Variants in TNK2 observed in about 807,000 individuals in gnomAD.
The protein encoded by TNK2 is activated CDC42 kinase 1.
TNK2 carries 83 observed loss-of-function variants against 101.8 expected under a neutral mutation model. That is an observed-to-expected ratio of 0.82 (90% CI 0.68 to 0.98). TNK2 has a LOEUF of 0.98. Among genes scored for constraint, TNK2 ranks in the 50% least tolerant of loss-of-function variants. The pLI, the probability that TNK2 is intolerant of heterozygous loss-of-function variation, is 0.00. For synonymous variants in TNK2, 804 were observed against 633.0 expected (o/e 1.27, Z -4.06); for missense variants, 1,665 against 1,483.2 (o/e 1.12, Z -2.01).
Position 195,882,337 on chromosome 3 carries a change from A to G in TNK2, c.610-9T>C. ...GGTGCCAGCTCTGTCACCTGAGGCCACGGAGGAGGCAGGAGGAATGAGCTG... is the reference window on the plus strand; with the variant it reads ...GGTGCCAGCTCTGTCACCTGAGGCCGCGGAGGAGGCAGGAGGAATGAGCTG... On this transcript the variant is annotated splice_polypyrimidine_tract_variant and intron_variant, in intron 5 of 15. Coordinates refer to ENST00000672887, the MANE Select transcript of TNK2 (RefSeq NM_001382273.1). This position sits in a 1 kb window ranked among gnomAD's most constrained non-coding sequence, Gnocchi z 4.2. 1 of 1,608,860 alleles carries G rather than the reference A, an allele frequency of 6.2e-7. No individual in the cohort carries two copies. The highest frequency in any genetic ancestry group is 1.1e-5 in the South Asian group (1 of 91,004).
intron 15 of TNK2, among the ~76,000 whole-genome samples, chr3:195,864,958 G>C (rs1739623279): frequency 1.5e-5 from 2 of 136,680 alleles, no homozygotes; most frequent in South Asian, 2.4e-4. Flanking sequence ...CTGCATCCCA[G>C]ATGCAAATCA....
At chr3:195,900,713 G>T (rs564639606) in intron 1 of TNK2, among the ~76,000 whole-genome samples, 14 of 152,350 alleles carry the variant, frequency 9.2e-5, no homozygotes, top group African/African-American at 3.4e-4. Context: ...GCCAGGACAC[G>T]AGTGCCGCAG....
rs1753855419 is a variant in TNK2 at position 195,882,940 on chromosome 3, C to T, written c.609+217G>A. ...TCCCATGGGAGTAACTCTCTTGACA[C>T]TGAGCACCAGCAAAATCCAGAGACA... On this transcript the variant is annotated intron_variant, in intron 5 of 15. Coordinates refer to ENST00000672887, the MANE Select transcript of TNK2 (RefSeq NM_001382273.1). The surrounding 1 kb of genome is among the most constrained non-coding windows in gnomAD (Gnocchi z 4.2). Among the ~76,000 whole-genome samples the T allele has an allele frequency of 6.6e-6, 1 of 152,204 alleles. No individual in the cohort carries two copies. The highest frequency in any genetic ancestry group is 1.5e-5 in the Non-Finnish European group (1 of 68,028).
intron 6 of TNK2, 38 bp from the exon 7 acceptor site, chr3:195,879,213 C>T: frequency 1.9e-6 from 3 of 1,610,762 alleles, no homozygotes; most frequent in Non-Finnish European, 2.5e-6. Flanking sequence ...CCCTCTCAAA[C>T]ACCCTACCTG....
At chr3:195,887,204 C>G (rs748860318) in intron 2 of TNK2, among the ~76,000 whole-genome samples, 157 bp from the exon 3 acceptor site, 3 of 152,232 alleles carry the variant, frequency 2.0e-5, no homozygotes, top group Non-Finnish European at 4.4e-5. Context: ...CTCAACTGAC[C>G]GACGGTCTCT....
rs547589387 is a variant in TNK2, at chr3:195,896,363, C to A, written c.-18-7757G>T. ...CTCCCCACGCAGCGTCAAGGCTGAG[C>A]CAGACCCTGGAAGGTCACTAGGTGA... On this transcript the variant is annotated intron_variant, in intron 1 of 15. Transcript: ENST00000672887. 2.2e-3 allele frequency: 689 copies of A among 317,034 alleles called. 9 individuals are homozygous for A. Among genetic ancestry groups the A allele is most frequent in the South Asian group, 0.015 (666 of 45,596 alleles). 19.6% of individuals were successfully genotyped at this position (317,034 alleles called of 1,614,324 possible).
At chr3:195,905,657 T>C (rs778458821) in intron 1 of TNK2, among the ~76,000 whole-genome samples, 2 of 152,008 alleles carry the variant, frequency 1.3e-5, no homozygotes, top group Non-Finnish European at 2.9e-5. Flanking sequence ...AAACGAATCC[T>C]AGATCTCAAT....
At chr3:195,881,639 C>G (rs1174312004) in intron 6 of TNK2, among the ~76,000 whole-genome samples, 6 of 102,074 alleles carry the variant, frequency 5.9e-5, no homozygotes, top group Admixed American at 1.0e-4. Context: ...TGTAACACCC[C>G]CCCCCCAGCA....
At chr3:195,906,302 C>G (rs1320739629) in intron 1 of TNK2, among the ~76,000 whole-genome samples, 1 of 152,070 alleles carries the variant, frequency 6.6e-6, no homozygotes, top group African/African-American at 2.4e-5. Context: ...ACCACATGAC[C>G]CAGCCATTCC....
intron 10 of TNK2, among the ~76,000 whole-genome samples, chr3:195,872,026 C>T (rs1481633397): frequency 1.4e-5 from 2 of 145,454 alleles, no homozygotes; most frequent in Non-Finnish European, 3.0e-5. Flanking sequence ...GAGAACCCTC[C>T]CCTGGAGAAC....
At chr3:195,906,567 G>A (rs6785122) in intron 1 of TNK2, among the ~76,000 whole-genome samples, 19,220 of 151,702 alleles carry the variant, frequency 0.13, 1,665 homozygotes, top group East Asian at 0.39. Flanking sequence ...AGACCAGCCT[G>A]TTACCTGGGG....
intron 10 of TNK2, 103 bp downstream of exon 10, chr3:195,872,173 C>A (rs931210775): frequency 2.2e-6 from 3 of 1,336,858 alleles, no homozygotes; most frequent in Non-Finnish European, 3.1e-6. Context: ...GGCTGAAGCC[C>A]GGGCGAAAGG....
chr3:195,885,332 C>A lies in TNK2; in HGVS notation c.235-299G>T, dbSNP rs1280393489. Reference sequence around the variant, plus strand: ...GCTGTGTGGAGAGGGAGGGCACCGCCCAGCCAAGGTCGGAGTCTCCTCCCA... The same window carrying A: ...GCTGTGTGGAGAGGGAGGGCACCGCACAGCCAAGGTCGGAGTCTCCTCCCA... On this transcript the variant is annotated intron_variant, in intron 3 of 15. Coordinates refer to ENST00000672887, the MANE Select transcript of TNK2 (RefSeq NM_001382273.1). The surrounding 1 kb of genome is among the most constrained non-coding windows in gnomAD (Gnocchi z 4.7). The A allele has an allele frequency of 7.2e-7, 1 of 1,384,650 alleles. No homozygotes were observed. Among genetic ancestry groups the A allele is most frequent in the African/African-American group, 1.4e-5 (1 of 69,360 alleles). The allele number at this position is 1,384,650 out of a possible 1,614,324, so 85.8% of individuals were successfully genotyped here. A position where few individuals can be genotyped will look rare whatever the true frequency, so the allele number is the denominator to read the frequency against.
At chr3:195,883,007 G>A (rs1753907200) in intron 5 of TNK2, 150 bp downstream of exon 5, 1 of 874,766 alleles carries the variant, frequency 1.1e-6, no homozygotes, top group African/African-American at 1.7e-5. Flanking sequence ...GTACCAGGCT[G>A]GGCCCCTGTG....
intron 1 of TNK2, among the ~76,000 whole-genome samples, chr3:195,899,027 C>T (rs979902365): frequency 2.0e-5 from 3 of 151,746 alleles, no homozygotes; most frequent in Non-Finnish European, 4.4e-5. Flanking sequence ...ACCCGGGAGG[C>T]GGAGGTTGCA....
intron 9 of TNK2, among the ~76,000 whole-genome samples, chr3:195,877,884 C>CTGAG (rs1750312083): frequency 6.6e-6 from 1 of 152,096 alleles, no homozygotes; most frequent in Admixed American, 6.5e-5. Flanking sequence ...AGGTGGATGG[C>CTGAG]TGAGTCCCTG....
rs747816316 is a variant in TNK2 at position 195,879,165 on chromosome 3, C to T, written c.898G>A (p.Glu300Lys). 1.1e-5 allele frequency: 17 copies of T among 1,613,248 alleles called. No individual in the cohort carries two copies. In the South Asian group the frequency reaches 1.6e-4, roughly 16 times the overall value. ...RKVPFAWCAP[E>K]SLKTRTFSHA... ...GAGAAGGTGCGTGTCTTCAGGCTCT[C>T]GGGGGCACACCTGGCAGAGGCAGGG... The change falls in exon 7 of 16, where the codon GAG (glutamate) becomes AAG (lysine). Residue 300 changes from glutamate to lysine, a missense_variant. Around this residue, in one of 3 missense-constraint regions of TNK2, gnomAD observed 490 missense variants for 522.5 expected, o/e 0.94. Transcript: ENST00000672887.
In TNK2 at chr3:195,868,674, G is replaced by A. The variant is rs776492917; in HGVS notation, c.1624C>T (p.Pro542Ser). ...TYDPVSEDQD[P>S]LSSDFKRLGL... ...AGCCTCTTGAAGTCGCTGGACAAGG[G>A]GTCTTGGTCCTCGCTCACAGGGTCA... The change falls in exon 13 of 16, where the codon CCC becomes TCC. Residue 542 changes from proline to serine, a missense_variant. By Grantham distance (74) the Pro-to-Ser change is moderately conservative. Coordinates refer to ENST00000672887, the MANE Select transcript of TNK2 (RefSeq NM_001382273.1). 1.3e-6 allele frequency: 2 copies of A among 1,592,706 alleles called. No homozygotes were observed. The highest frequency in any genetic ancestry group is 1.7e-6 in the Non-Finnish European group (2 of 1,177,496).
At chr3:195,872,079 A>T (rs1189698477) in intron 10 of TNK2, among the ~76,000 whole-genome samples, 197 bp downstream of exon 10, 1 of 151,544 alleles carries the variant, frequency 6.6e-6, no homozygotes, top group Non-Finnish European at 1.5e-5. Context: ...TCCCCTGGAG[A>T]ACCCCCACCA....
Sources: allele counts gnomAD v4.1 joint callset (sites outside exome capture counted in the v4.1 genomes callset), GRCh38; gene constraint gnomAD v4.1.1; regional missense constraint gnomAD v4.1.1; non-coding constraint Gnocchi (gnomAD v3.1); transcripts MANE v1.5; gene names NCBI Gene and HGNC (gene_info 2026-07-23, HGNC 2026-07-21).